Variants in EFCAB11 observed in about 807,000 individuals in gnomAD.
EFCAB11 encodes the protein EF-hand calcium-binding domain-containing protein 11.
Under a neutral mutation model 23.0 loss-of-function variants are expected in EFCAB11, and 14 were observed. That is an observed-to-expected ratio of 0.61 (90% CI 0.40 to 0.95). The LOEUF is 0.95. EFCAB11 is among the 40% of genes least tolerant of loss of function. The pLI is 0.00. For missense variants in EFCAB11, 198 were observed against 195.8 expected (o/e 1.01, Z -0.07); for synonymous variants, 65 against 66.6 (o/e 0.98, Z 0.11).
At chr14:89,928,881 T>C (rs113614821) in intron 5 of EFCAB11, among the ~76,000 whole-genome samples, 27,369 of 146,582 alleles carry the variant, frequency 0.19, 2,968 homozygotes, top group South Asian at 0.32. Context: ...ATATATTACA[T>C]ATATACAATT....
intron 5 of EFCAB11, chr14:89,931,337 C>T: frequency 3.7e-6 from 2 of 534,314 alleles, no homozygotes; most frequent in South Asian, 5.9e-5. Flanking sequence ...AAGCGCTCCC[C>T]CAACTTTACA....
At chr14:89,908,055 G>A (rs1449578787) in intron 5 of EFCAB11, among the ~76,000 whole-genome samples, 1 of 152,214 alleles carries the variant, frequency 6.6e-6, no homozygotes, top group Non-Finnish European at 1.5e-5. Flanking sequence ...CCCCAGCTGG[G>A]CAGGATGTGA....
chr14:89,924,155 C>T (rs1185676289), intron 5 of EFCAB11: 1 of 985,792 alleles, frequency 1.0e-6, no homozygotes, highest in Non-Finnish European at 1.2e-6. Flanking sequence ...ATATCTTATT[C>T]AACAAGCAAT....
At chr14:89,912,199 GA>G (rs1463257783) in intron 5 of EFCAB11, among the ~76,000 whole-genome samples, 1 of 151,654 alleles carries the variant, frequency 6.6e-6, no homozygotes, top group East Asian at 1.9e-4. Flanking sequence ...TGGTTTCATT[GA>G]AAAAAGAAAA....
intron 5 of EFCAB11, among the ~76,000 whole-genome samples, chr14:89,826,750 C>T (rs1886704392): frequency 6.6e-6 from 1 of 152,072 alleles, no homozygotes; most frequent in African/African-American, 2.4e-5. Flanking sequence ...AATAGCCTCC[C>T]ATTCCACACT....
At chr14:89,835,033 G>T (rs1887027267) in intron 5 of EFCAB11, among the ~76,000 whole-genome samples, 1 of 152,182 alleles carries the variant, frequency 6.6e-6, no homozygotes, top group Non-Finnish European at 1.5e-5. Context: ...AACTGCAGAG[G>T]GAAGCAGAAA....
At chr14:89,828,284 C>A (rs1019690041) in intron 5 of EFCAB11, among the ~76,000 whole-genome samples, 1 of 152,060 alleles carries the variant, frequency 6.6e-6, no homozygotes, top group African/African-American at 2.4e-5. Context: ...TGACTTTATA[C>A]GTTTTAATTT....
At chr14:89,922,800 T>C (rs895293014) in intron 5 of EFCAB11, among the ~76,000 whole-genome samples, 4 of 152,136 alleles carry the variant, frequency 2.6e-5, no homozygotes, top group African/African-American at 9.6e-5. Flanking sequence ...CAAATAACTA[T>C]GAAAAAGCAT....
intron 3 of EFCAB11, among the ~76,000 whole-genome samples, chr14:89,939,677 T>C (rs1328351414): frequency 2.0e-5 from 3 of 152,242 alleles, no homozygotes; most frequent in Non-Finnish European, 2.9e-5. Flanking sequence ...TTGCCTATAA[T>C]AGTAATATAA....
At chr14:89,849,466 T>C (rs1192091069) in intron 5 of EFCAB11, among the ~76,000 whole-genome samples, 1 of 152,224 alleles carries the variant, frequency 6.6e-6, no homozygotes, top group Non-Finnish European at 1.5e-5. Flanking sequence ...AATGCACATC[T>C]ACATGGAAAA....
At chr14:89,917,124 C>G in intron 5 of EFCAB11, among the ~76,000 whole-genome samples, 1 of 149,610 alleles carries the variant, frequency 6.7e-6, no homozygotes, top group Non-Finnish European at 1.5e-5. Context: ...CACTTAAGAT[C>G]TGCTCCCTTG....
chr14:89,864,979 T>C (rs1479278329), intron 5 of EFCAB11, among the ~76,000 whole-genome samples: 2 of 152,176 alleles, frequency 1.3e-5, no homozygotes, highest in Admixed American at 1.3e-4. Flanking sequence ...ACCTAATAAT[T>C]GGCTCAGGGG....
At chr14:89,922,139 A>G (rs1890037939) in intron 5 of EFCAB11, among the ~76,000 whole-genome samples, 1 of 152,238 alleles carries the variant, frequency 6.6e-6, no homozygotes. Context: ...CCCTCATGCT[A>G]TTACAGCAAG....
intron 5 of EFCAB11, among the ~76,000 whole-genome samples, chr14:89,923,122 C>A (rs947931055): frequency 7.9e-5 from 12 of 152,154 alleles, no homozygotes; most frequent in African/African-American, 2.7e-4. Context: ...GTAACAAAGT[C>A]ATCTTCTCTA....
chr14:89,895,576 A>G (rs1889126423), intron 5 of EFCAB11, among the ~76,000 whole-genome samples: 1 of 152,240 alleles, frequency 6.6e-6, no homozygotes, highest in African/African-American at 2.4e-5. Flanking sequence ...CAATAAACAA[A>G]GCTGAAAATA....
At chr14:89,923,723 G>A in intron 5 of EFCAB11, 1 of 985,362 alleles carries the variant, frequency 1.0e-6, no homozygotes, top group Non-Finnish European at 1.2e-6. Context: ...TAATAACTGT[G>A]ATCTTACTGA....
In EFCAB11 at chr14:89,916,427, AT is replaced by A. The variant is rs570816552; in HGVS notation, c.410+15113del. The stretch of plus-strand genomic sequence containing the variant: ...GACAGAGTTTAAAACTACTGTGACA[AT>A]TTTGTGATAATAGCAGTTTAAATCG... On this transcript the variant is annotated intron_variant, in intron 5 of 5. Coordinates refer to ENST00000316738, the MANE Select transcript of EFCAB11 (RefSeq NM_145231.4). 5.9e-5 allele frequency among the ~76,000 whole-genome samples: 9 copies of A among 152,316 alleles called. No individual in the cohort carries two copies. In the South Asian group the frequency reaches 1.4e-3, roughly 25 times the overall value.
chr14:89,797,383 GA>G, intron 5 of EFCAB11, 59 bp from the exon 6 acceptor site: 1 of 1,454,244 alleles, frequency 6.9e-7, no homozygotes, highest in Non-Finnish European at 9.5e-7. Flanking sequence ...TATGCACCGA[GA>G]GCACATTAGA....
chr14:89,949,165 C>T (rs538697816), intron 3 of EFCAB11, among the ~76,000 whole-genome samples: 9 of 151,764 alleles, frequency 5.9e-5, no homozygotes, highest in African/African-American at 9.7e-5. Context: ...GATTAATGCT[C>T]GAGGAGATAA....
Sources: allele counts gnomAD v4.1 joint callset (sites outside exome capture counted in the v4.1 genomes callset), GRCh38; gene constraint gnomAD v4.1.1; transcripts MANE v1.5; gene names NCBI Gene and HGNC (gene_info 2026-07-23, HGNC 2026-07-21).